The following KRT20 variants were observed in gnomAD, a reference collection of about 807,000 sequenced individuals.
KRT20 encodes keratin, type I cytoskeletal 20.
Under a neutral mutation model 43.0 loss-of-function variants are expected in KRT20, and 41 were observed. The ratio of observed to expected loss-of-function variants is 0.95; its 90% confidence interval spans 0.74 to 1.24. KRT20 has a LOEUF of 1.24. KRT20 is among the 50% of genes most tolerant of loss of function. The probability of loss-of-function intolerance (pLI) is 0.00; values close to 1 mark genes in which losing one functional copy is unlikely to be tolerated. For missense variants in KRT20, 533 were observed against 521.2 expected (o/e 1.02, Z -0.22); for synonymous variants, 207 against 200.6 (o/e 1.03, Z -0.27).
intron 3 of KRT20, 65 bp from the exon 4 acceptor site, chr17:40,880,326 A>G: frequency 6.8e-7 from 1 of 1,460,406 alleles, no homozygotes; most frequent in Non-Finnish European, 9.3e-7. Flanking sequence ...GCTGGGCAGA[A>G]AAGACATAAG....
At chr17:40,880,500 G>T in intron 3 of KRT20, 114 bp downstream of exon 3, 1 of 912,466 alleles carries the variant, frequency 1.1e-6, no homozygotes, top group Non-Finnish European at 1.7e-6. Context: ...CATCATCTCT[G>T]TCACTATCAC....
At position 40,880,686 on chromosome 17, in the gene KRT20, A is replaced by T. The variant is rs777806113; in HGVS notation, c.558T>A (p.His186Gln). The change falls in exon 3 of 8, where the codon CAT (histidine) becomes CAA (glutamine). Residue 186 changes from histidine (H) to glutamine (Q), a missense_variant. Transcript: ENST00000167588. ...CAATTTGAATCTCCAAATCTGTTTTATGTAGGGTTAGGTCATCAAAGACCT... is the reference window on the plus strand; with the variant it reads ...CAATTTGAATCTCCAAATCTGTTTTTTGTAGGGTTAGGTCATCAAAGACCT... ...LNKVFDDLTL[H>Q]KTDLEIQIEE... 3.1e-6 allele frequency: 5 copies of T among 1,612,118 alleles called. No individual in the cohort carries two copies. The highest frequency in any genetic ancestry group is 4.2e-6 in the Non-Finnish European group (5 of 1,179,164).
chr17:40,883,522 C>A (rs1424850306), intron 1 of KRT20, among the ~76,000 whole-genome samples: 1 of 152,140 alleles, frequency 6.6e-6, no homozygotes, highest in African/African-American at 2.4e-5. Context: ...TGCCCAGCAC[C>A]TAGTTAGTGT....
At chr17:40,880,556 T>C (rs1907550034) in intron 3 of KRT20, 58 bp downstream of exon 3, 6 of 1,444,100 alleles carry the variant, frequency 4.2e-6, no homozygotes, top group Non-Finnish European at 5.7e-6. Context: ...CCTCCTATTA[T>C]TAGTATTATA....
chr17:40,878,313 TGGCTGCTGTAACG>T lies in KRT20; in HGVS notation c.958_970del (p.Arg320SerfsTer2), dbSNP rs774411922. On this transcript the variant is annotated frameshift_variant, in exon 6 of 8. Coordinates refer to ENST00000167588, the MANE Select transcript of KRT20 (RefSeq NM_019010.3). LOFTEE classifies it high-confidence loss of function. The stretch of plus-strand genomic sequence containing the variant: ...CAACAGCGACTGGAGGTTGGCTAAC[TGGCTGCTGTAACG>T]GGCCTTGGTCTCCTCTAGAGTGTGC... 41 of 1,614,116 alleles carry T rather than the reference TGGCTGCTGTAACG, an allele frequency of 2.5e-5. No individual in the cohort carries two copies. Among genetic ancestry groups the T allele is most frequent in the Non-Finnish European group, 3.5e-5 (41 of 1,180,042 alleles).
At position 40,885,210 on chromosome 17, in the gene KRT20, G is replaced by A. The variant is rs766862624; in HGVS notation, c.-25C>T. 5.7e-6 allele frequency: 9 copies of A among 1,566,308 alleles called. No individual in the cohort carries two copies. The highest frequency in any genetic ancestry group is 7.8e-6 in the Non-Finnish European group (9 of 1,159,082). On this transcript the variant is annotated 5_prime_UTR_variant, in exon 1 of 8. Coordinates refer to ENST00000167588, the MANE Select transcript of KRT20 (RefSeq NM_019010.3). ...TTGGAGATTCCAGGAGGGAGCACCT[G>A]TAGCTTCAGGATGGTTGGGGCAGAG... is the stretch of plus-strand genomic sequence containing the variant.
At position 40,882,629 on chromosome 17, in the gene KRT20, G is replaced by C; in HGVS notation, c.416C>G (p.Ala139Gly). 7.7e-6 allele frequency: 12 copies of C among 1,551,486 alleles called. No individual in the cohort carries two copies. Among genetic ancestry groups the C allele is most frequent in the Non-Finnish European group, 1.0e-5 (12 of 1,145,644 alleles). ...SQIKDAQLQN[A>G]RCVLQIDNAK... Reference sequence around the variant, plus strand: ...ATTATCAATTTGCAGGACACACCGAGCATTTTGCAGTTGAGCATCCTTAAT... The same window carrying C: ...ATTATCAATTTGCAGGACACACCGACCATTTTGCAGTTGAGCATCCTTAAT... The change falls in exon 2 of 8, where the codon GCT becomes GGT. Residue 139 changes from alanine to glycine, a missense_variant. Physicochemically the swap from Ala to Gly is moderately conservative, Grantham distance 60 (BLOSUM62 0). Transcript: ENST00000167588.
intron 7 of KRT20, 129 bp downstream of exon 7, chr17:40,877,251 A>T: frequency 1.5e-6 from 1 of 669,184 alleles, no homozygotes; most frequent in South Asian, 1.9e-5. Flanking sequence ...TAAATTATCC[A>T]GTCTCAGGTA....
At chr17:40,878,047 C>T (rs1907421835) in intron 6 of KRT20, 98 bp downstream of exon 6, 1 of 1,045,596 alleles carries the variant, frequency 9.6e-7, no homozygotes, top group African/African-American at 1.6e-5. Flanking sequence ...TGCTTCTGTC[C>T]TAGGGATTGC....
rs1435488347 is a variant in KRT20, at chr17:40,885,004, C to T, written c.182G>A (p.Gly61Asp). The T allele has an allele frequency of 6.2e-7, 1 of 1,614,208 alleles. No individual in the cohort carries two copies. The highest frequency in any genetic ancestry group is 8.5e-7 in the Non-Finnish European group (1 of 1,180,048). ...HTVNYGSDLTGGGDLFVGNEK... is the reference protein window; with the variant it reads ...HTVNYGSDLTDGGDLFVGNEK... Reference sequence around the variant, plus strand: ...ATTGCCAACAAACAGGTCCCCGCCGCCTGTGAGATCGCTCCCATAGTTCAC... The same window carrying T: ...ATTGCCAACAAACAGGTCCCCGCCGTCTGTGAGATCGCTCCCATAGTTCAC... Residue 61 changes from glycine to aspartate, a missense_variant, in exon 1 of 8, where the codon GGC (glycine) becomes GAC (aspartate). Coordinates refer to ENST00000167588, the MANE Select transcript of KRT20 (RefSeq NM_019010.3).
chr17:40,880,179 A>G lies in KRT20; in HGVS notation c.713T>C (p.Ile238Thr), dbSNP rs1907534221. ...ATACTTCTGCCTCATTTCATTCATG[A>G]TGACGCCAAGGTTCAGGCCTGGAGC... ...DAAPGLNLGV[I>T]MNEMRQKYEV... Residue 238 changes from isoleucine (I) to threonine (T), a missense_variant, in exon 4 of 8, where the codon ATC becomes ACC. Ile to Thr is a moderately conservative substitution (Grantham distance 89). Coordinates refer to ENST00000167588, the MANE Select transcript of KRT20 (RefSeq NM_019010.3). The G allele has an allele frequency of 2.5e-6, 4 of 1,614,098 alleles. No individual in the cohort carries two copies. Among genetic ancestry groups the G allele is most frequent in the East Asian group, 2.2e-5 (1 of 44,872 alleles).
chr17:40,883,238 C>T (rs987662717), intron 1 of KRT20, among the ~76,000 whole-genome samples: 3 of 152,180 alleles, frequency 2.0e-5, no homozygotes, highest in African/African-American at 7.2e-5. Flanking sequence ...TTTAACTCAA[C>T]TTGAGTCATC....
At chr17:40,879,063 A>G (rs1366731314) in intron 5 of KRT20, among the ~76,000 whole-genome samples, 1 of 152,194 alleles carries the variant, frequency 6.6e-6, no homozygotes, top group Non-Finnish European at 1.5e-5. Context: ...GGCCTCCCAA[A>G]GGACAAATGC....
At position 40,884,938 on chromosome 17, in the gene KRT20, C is replaced by T. The variant is rs375185905; in HGVS notation, c.248G>A (p.Ser83Asn). 30 of 1,614,064 alleles carry T rather than the reference C, an allele frequency of 1.9e-5. No homozygotes were observed. The highest frequency in any genetic ancestry group is 2.5e-5 in the Non-Finnish European group (29 of 1,180,032). The change falls in exon 1 of 8, where the codon AGC becomes AAC. Residue 83 changes from serine (S) to asparagine (N), a missense_variant. Transcript: ENST00000167588. ...CAGGGTCCGCACCTTTTCTAGGTAG[C>T]TCGCTAGACGGTCATTTAGGTTCTG... The part of the protein sequence containing the change: ...AMQNLNDRLA[S>N]YLEKVRTLEQ...
chr17:40,885,237 G>C lies in KRT20; in HGVS notation c.-52C>G, dbSNP rs1477458292. The stretch of plus-strand genomic sequence containing the variant: ...AGCTTCAGGATGGTTGGGGCAGAGT[G>C]TGTCTCATGGAGGGTGTTGAGCTAG... On this transcript the variant is annotated 5_prime_UTR_variant, in exon 1 of 8. Coordinates refer to ENST00000167588, the MANE Select transcript of KRT20 (RefSeq NM_019010.3). 1 of 1,504,196 alleles carries C rather than the reference G, an allele frequency of 6.6e-7. No homozygotes were observed. The highest frequency in any genetic ancestry group is 8.9e-7 in the Non-Finnish European group (1 of 1,127,946). 93.2% of individuals were successfully genotyped at this position (1,504,196 alleles called of 1,614,324 possible). A position where few individuals can be genotyped will look rare whatever the true frequency, so the allele number is the denominator to read the frequency against.
chr17:40,885,030 C>A lies in KRT20; in HGVS notation c.156G>T (p.Thr52=). ...CTGTGAGATCGCTCCCATAGTTCAC[C>A]GTGTGTCTGGAGTTGGAGATGCGGA... ...RGIRISNSRH[T]VNYGSDLTGG... The change falls in exon 1 of 8, where the codon ACG becomes ACT. Residue 52 remains threonine, a synonymous_variant. Transcript: ENST00000167588. 6.2e-7 allele frequency: 1 copy of A among 1,614,172 alleles called. No homozygotes were observed. The highest frequency in any genetic ancestry group is 2.2e-5 in the East Asian group (1 of 44,880).
Position 40,876,342 on chromosome 17 carries a change from A to T in KRT20, c.*19T>A. On this transcript the variant is annotated 3_prime_UTR_variant, in exon 8 of 8. Coordinates refer to ENST00000167588, the MANE Select transcript of KRT20 (RefSeq NM_019010.3). ...AAATTTCTTTCAAAACCTCAGCAGCATCTCCTTCTGGTAGCTATTTAGATA... is the reference window on the plus strand; with the variant it reads ...AAATTTCTTTCAAAACCTCAGCAGCTTCTCCTTCTGGTAGCTATTTAGATA... 3.9e-5 allele frequency: 55 copies of T among 1,401,944 alleles called. No homozygotes were observed. The highest frequency in any genetic ancestry group is 5.0e-5 in the Non-Finnish European group (49 of 986,756). 86.8% of individuals were successfully genotyped at this position (1,401,944 alleles called of 1,614,324 possible).
At chr17:40,883,444 T>C (rs905817771) in intron 1 of KRT20, among the ~76,000 whole-genome samples, 1 of 152,194 alleles carries the variant, frequency 6.6e-6, no homozygotes, top group Admixed American at 6.5e-5. Context: ...TGCTGGTCCC[T>C]CTGTCCATCC....
chr17:40,879,192 G>A (rs1044776617), intron 5 of KRT20, among the ~76,000 whole-genome samples: 2 of 152,206 alleles, frequency 1.3e-5, no homozygotes, highest in African/African-American at 4.8e-5. Flanking sequence ...CCTTGGAAAG[G>A]AAATGTCACG....
Sources: gnomAD v4.1 joint callset for allele counts (sites outside exome capture counted in the v4.1 genomes callset) on GRCh38, gnomAD v4.1.1 for gene constraint, MANE v1.5 for transcripts, NCBI Gene and HGNC (gene_info 2026-07-23, HGNC 2026-07-21) for gene names.